FAM186A: variants seen among roughly 807,000 people sequenced by gnomAD.
The protein encoded by FAM186A is family with sequence similarity 186 member A.
FAM186A carries 163 observed loss-of-function variants against 216.8 expected under a neutral mutation model. That is an observed-to-expected ratio of 0.75 (90% CI 0.66 to 0.86). The LOEUF (loss-of-function observed/expected upper bound fraction) is 0.86. Among genes scored for constraint, FAM186A ranks in the 40% least tolerant of loss-of-function variants. The probability of loss-of-function intolerance (pLI) is 0.00; values close to 1 mark genes in which losing one functional copy is unlikely to be tolerated. For missense variants in FAM186A, 2,184 were observed against 2,746.2 expected, an observed-to-expected ratio of 0.80 and a Z score of 4.58; for synonymous variants, 805 against 1,025.3, an observed-to-expected ratio of 0.79 and a Z score of 4.10.
intron 1 of FAM186A, among the ~76,000 whole-genome samples, chr12:50,392,874 G>C (rs1178400154): frequency 7.4e-6 from 1 of 135,672 alleles, no homozygotes; most frequent in Admixed American, 7.5e-5. Context: ...GCCTCCCAAA[G>C]TTCTGGGATT....
At chr12:50,328,425 A>T (rs1942625384) in intron 7 of FAM186A, among the ~76,000 whole-genome samples, 2 of 152,180 alleles carry the variant, frequency 1.3e-5, no homozygotes, top group African/African-American at 4.8e-5. Context: ...AACCAACAAA[A>T]TGATGATGTA....
At chr12:50,358,938 G>A (rs11169393) in intron 3 of FAM186A, among the ~76,000 whole-genome samples, 91,370 of 144,068 alleles carry the variant, frequency 0.63, 29,748 homozygotes, top group East Asian at 0.74. Context: ...AAAAAAAAAA[G>A]TTAAAACTCA....
chr12:50,396,558 A>C lies in FAM186A; in HGVS notation c.-74T>G. The C allele has an allele frequency of 1.4e-6, 2 of 1,410,130 alleles. No individual in the cohort carries two copies. The highest frequency in any genetic ancestry group is 1.9e-6 in the Non-Finnish European group (2 of 1,050,092). 87.4% of individuals were successfully genotyped at this position (1,410,130 alleles called of 1,614,324 possible). On this transcript the variant is annotated 5_prime_UTR_variant, in exon 1 of 8. Coordinates refer to ENST00000327337, the MANE Select transcript of FAM186A (RefSeq NM_001145475.3). ...TACAAAAATGCTAATAAAGATATCC[A>C]GTAGGAAGCTAGGAGAGGTCTTTCC...
intron 7 of FAM186A, among the ~76,000 whole-genome samples, chr12:50,329,069 A>G (rs530128599): frequency 1.5e-4 from 23 of 152,238 alleles, no homozygotes; most frequent in South Asian, 1.5e-3. Flanking sequence ...GCAGTGAGCC[A>G]AGATTGCACC....
intron 4 of FAM186A, among the ~76,000 whole-genome samples, chr12:50,343,768 G>A (rs190008172): frequency 4.3e-4 from 65 of 152,214 alleles, no homozygotes; most frequent in African/African-American, 1.3e-3. Flanking sequence ...ACAGGCGCCC[G>A]CCACCATGCC....
Position 50,353,226 on chromosome 12 carries a change from G to C in FAM186A, c.3606C>G (p.Ala1202=), listed in dbSNP as rs1192954970. ...GIPLTPQQAQ[A]LRVSLTPQQA... is the part of the protein sequence containing the mutation. ...GCTGAGGGGTGAGAGAGACCCTCAG[G>C]GCCTGGGCCTGCTGAGGGGTGAGAG... Residue 1202 remains alanine, a synonymous_variant, in exon 4 of 8, where the codon GCC becomes GCG. Transcript: ENST00000327337. 6.7e-7 allele frequency: 1 copy of C among 1,492,180 alleles called. No homozygotes were observed. 92.4% of individuals were successfully genotyped at this position (1,492,180 alleles called of 1,614,324 possible). A position where few individuals can be genotyped will look rare whatever the true frequency, so the allele number is the denominator to read the frequency against.
Position 50,355,701 on chromosome 12 carries a change from AATATTGTCC to A in FAM186A, c.1122_1130del (p.Met374_Asn376del). 1.3e-6 allele frequency: 2 copies of A among 1,551,150 alleles called. No individual in the cohort carries two copies. Among genetic ancestry groups the A allele is most frequent in the Non-Finnish European group, 1.7e-6 (2 of 1,146,916 alleles). On this transcript the variant is annotated inframe_deletion, in exon 4 of 8. Coordinates refer to ENST00000327337, the MANE Select transcript of FAM186A (RefSeq NM_001145475.3). ...CAATATTTTCAAGTTCCTTGTCTAA[AATATTGTCC>A]ATATTGTCCTCAGTATCACCAACTT...
chr12:50,356,666 A>G (rs1157299164), intron 3 of FAM186A, among the ~76,000 whole-genome samples: 1 of 152,118 alleles, frequency 6.6e-6, no homozygotes, highest in Non-Finnish European at 1.5e-5. Context: ...TGTGACCTCA[A>G]CTTAATTTTA....
chr12:50,366,883 G>T (rs1943094409), intron 1 of FAM186A, among the ~76,000 whole-genome samples: 2 of 152,094 alleles, frequency 1.3e-5, no homozygotes, highest in South Asian at 4.1e-4. Flanking sequence ...GTATGGTGGT[G>T]TGTGCTTATA....
intron 1 of FAM186A, among the ~76,000 whole-genome samples, chr12:50,372,893 G>A (rs1470854328): frequency 5.6e-5 from 7 of 125,836 alleles, no homozygotes; most frequent in African/African-American, 2.1e-4. Context: ...GACAGAGCAA[G>A]ACTCCGTCTA....
intron 1 of FAM186A, among the ~76,000 whole-genome samples, chr12:50,388,857 A>G (rs1822842207): frequency 6.6e-6 from 1 of 152,054 alleles, no homozygotes; most frequent in Non-Finnish European, 1.5e-5. Context: ...GTTTGAGACC[A>G]GCCTGGCCAA....
intron 4 of FAM186A, among the ~76,000 whole-genome samples, chr12:50,346,930 A>C (rs1313014337): frequency 6.6e-6 from 1 of 151,196 alleles, no homozygotes; most frequent in African/African-American, 2.4e-5. Context: ...ACACACACAC[A>C]CACACAAACC....
At chr12:50,377,804 C>T (rs1189746834) in intron 1 of FAM186A, among the ~76,000 whole-genome samples, 2 of 141,704 alleles carry the variant, frequency 1.4e-5, no homozygotes, top group African/African-American at 5.3e-5. Flanking sequence ...CACTTCACTC[C>T]AGCCCGGGCA....
intron 4 of FAM186A, among the ~76,000 whole-genome samples, chr12:50,338,735 T>C (rs1253866347): frequency 1.3e-5 from 2 of 151,908 alleles, no homozygotes; most frequent in Non-Finnish European, 2.9e-5. Flanking sequence ...TTTTAAAAAT[T>C]CACTTCTACC....
chr12:50,379,603 A>G (rs1275255546), intron 1 of FAM186A, among the ~76,000 whole-genome samples: 1 of 151,944 alleles, frequency 6.6e-6, no homozygotes, highest in Non-Finnish European at 1.5e-5. Flanking sequence ...CCTGATCAAC[A>G]TGGAGAAACC....
At chr12:50,392,494 T>A (rs1943367872) in intron 1 of FAM186A, 1 of 152,212 alleles carries the variant, frequency 6.6e-6, no homozygotes, top group Non-Finnish European at 1.5e-5. Context: ...TTAGCCAGGA[T>A]GGTCTCGATC....
rs1165882498 is a variant in FAM186A, at chr12:50,355,828, AT to A, written c.1003del (p.Ile335LeufsTer3). On this transcript the variant is annotated frameshift_variant, in exon 4 of 8. Coordinates refer to ENST00000327337, the MANE Select transcript of FAM186A (RefSeq NM_001145475.3). LOFTEE classifies it high-confidence loss of function. ...TTTTGCATATAGTTGTTCTATAACAATTTTGGATCGAATAAGTTGTTCACAT... is the reference window on the plus strand; with the variant it reads ...TTTTGCATATAGTTGTTCTATAACAATTTGGATCGAATAAGTTGTTCACAT... ...EKCEQLIRSK[I>X]VIEQLYAKLS... 6.4e-7 allele frequency: 1 copy of A among 1,551,518 alleles called. No homozygotes were observed. Among genetic ancestry groups the A allele is most frequent in the Non-Finnish European group, 8.7e-7 (1 of 1,146,964 alleles).
chr12:50,393,926 T>C (rs941692208), intron 1 of FAM186A, among the ~76,000 whole-genome samples: 1 of 152,160 alleles, frequency 6.6e-6, no homozygotes, highest in African/African-American at 2.4e-5. Context: ...TTTAGCACTC[T>C]TTTTTTCTGT....
chr12:50,373,035 GA>G (rs1943161314), intron 1 of FAM186A, among the ~76,000 whole-genome samples: 1 of 147,228 alleles, frequency 6.8e-6, no homozygotes, highest in African/African-American at 2.5e-5. Flanking sequence ...AAGAAAGAAA[GA>G]AAGAAAGAAA....
Sources: allele counts gnomAD v4.1 joint callset (sites outside exome capture counted in the v4.1 genomes callset), GRCh38; gene constraint gnomAD v4.1.1; transcripts MANE v1.5; gene names NCBI Gene and HGNC (gene_info 2026-07-23, HGNC 2026-07-21).